Variants in ATP2B3 observed in about 807,000 individuals in gnomAD.
ATP2B3 encodes the protein plasma membrane calcium-transporting ATPase 3.
In ATP2B3, 12 loss-of-function variants were observed where a neutral mutation model predicts 70.8. The observed-to-expected ratio is 0.17, with a 90% CI of 0.11 to 0.27. The LOEUF (loss-of-function observed/expected upper bound fraction) is 0.27. Ranked by LOEUF, ATP2B3 falls within the 10% of genes least tolerant of loss-of-function variation. The pLI is 1.00. For missense variants in ATP2B3, 858 were observed against 1,118.5 expected, an observed-to-expected ratio of 0.77 and a Z score of 3.32; for synonymous variants, 460 against 497.8, an observed-to-expected ratio of 0.92 and a Z score of 1.01.
chrX:153,535,089 C>T (rs1179937113), intron 2 of ATP2B3, among the ~76,000 whole-genome samples: 1 of 112,833 alleles, frequency 8.9e-6, no homozygotes, highest in East Asian at 2.8e-4. Context: ...AGGCTTAGCT[C>T]GGGCCGGGAA....
rs891150954 is a variant in ATP2B3 at position 153,549,665 on chromosome X, G to A, written c.1507G>A (p.Ala503Thr). The change falls in exon 11 of 22, where the codon GCC becomes ACC. Residue 503 changes from alanine to threonine, a missense_variant. Transcript: ENST00000263519. Reference protein sequence around the residue: ...THYKEIPAPSALTPKILDLLV... With the variant: ...THYKEIPAPSTLTPKILDLLV... ...CTACAAAGAGATTCCGGCCCCCAGC[G>A]CCCTGACCCCTAAGATCCTCGACCT... is the stretch of plus-strand genomic sequence containing the variant. The A allele has an allele frequency of 2.6e-5, 31 of 1,210,707 alleles. No homozygotes were observed. Among genetic ancestry groups the A allele is most frequent in the Non-Finnish European group, 3.1e-5 (28 of 895,372 alleles).
At chrX:153,527,874 G>A (rs934632063) in intron 2 of ATP2B3, among the ~76,000 whole-genome samples, 1 of 112,828 alleles carries the variant, frequency 8.9e-6, no homozygotes, top group Non-Finnish European at 1.9e-5. Flanking sequence ...CTGACTCAGC[G>A]AAGAGCATTG....
chrX:153,539,051 C>T (rs1450209796), intron 3 of ATP2B3, among the ~76,000 whole-genome samples: 1 of 112,718 alleles, frequency 8.9e-6, no homozygotes, highest in African/African-American at 3.2e-5. Context: ...GGGGAGCCCT[C>T]CCCTGCTCCT....
intron 2 of ATP2B3, among the ~76,000 whole-genome samples, chrX:153,530,867 T>C (rs1180781670): frequency 1.8e-5 from 2 of 112,529 alleles, no homozygotes; most frequent in East Asian, 5.6e-4. Flanking sequence ...TCGGGTTTTA[T>C]TTCCTTCTCT....
chrX:153,549,583 G>A lies in ATP2B3; in HGVS notation c.1425G>A (p.Thr475=), dbSNP rs373112886. ...GNATAICSDK[T]GTLTTNRMTV... is the part of the protein sequence containing the mutation. ...CCACAGCCATCTGCTCCGACAAGACGGGCACGCTCACCACCAACCGTATGA... is the reference window on the plus strand; with the variant it reads ...CCACAGCCATCTGCTCCGACAAGACAGGCACGCTCACCACCAACCGTATGA... Residue 475 remains threonine (T), a synonymous_variant, in exon 11 of 22, where the codon ACG becomes ACA. Transcript: ENST00000263519. 9.9e-6 allele frequency: 12 copies of A among 1,210,832 alleles called. No homozygotes were observed. In the African/African-American group the frequency reaches 1.0e-4, roughly 11 times the overall value.
intron 2 of ATP2B3, among the ~76,000 whole-genome samples, chrX:153,528,704 G>C (rs1557000727): frequency 8.9e-6 from 1 of 112,318 alleles, no homozygotes; most frequent in African/African-American, 3.2e-5. Context: ...TCAGGAATCT[G>C]AGCTCCTTTG....
chrX:153,569,346 G>A, intron 21 of ATP2B3: 1 of 547,450 alleles, frequency 1.8e-6, no homozygotes, highest in East Asian at 3.3e-5. Flanking sequence ...GCCCTGACTT[G>A]TGACCCCCTT....
chrX:153,543,101 C>T lies in ATP2B3; in HGVS notation c.849C>T (p.Ser283=). ...RMVVTAVGVN[S]QTGIIFTLLG... is the part of the protein sequence containing the mutation. ...TGGTGACCGCCGTTGGCGTGAATTC[C>T]CAGACAGGCATCATCTTCACGCTGC... The change falls in exon 7 of 22, where the codon TCC becomes TCT. Residue 283 remains serine (S), a synonymous_variant. Coordinates refer to ENST00000263519, the MANE Select transcript of ATP2B3 (RefSeq NM_001001344.3). 1.6e-6 allele frequency: 2 copies of T among 1,212,127 alleles called. No homozygotes were observed.
At chrX:153,557,095 T>G (rs1196714949) in intron 16 of ATP2B3, 72 bp downstream of exon 16, 2 of 1,022,910 alleles carry the variant, frequency 2.0e-6, no homozygotes, top group African/African-American at 3.8e-5. Context: ...ACATTAGCTT[T>G]GTACCAGGAA....
At chrX:153,569,864 CT>C in intron 21 of ATP2B3, 5 of 901,267 alleles carry the variant, frequency 5.5e-6, no homozygotes, top group Middle Eastern at 3.8e-4. Context: ...CTCACCGTGG[CT>C]TTTCTGTTCT....
chrX:153,548,113 A>C, intron 9 of ATP2B3, 114 bp downstream of exon 9: 19 of 1,013,699 alleles, frequency 1.9e-5, no homozygotes, highest in Admixed American at 3.3e-5. Context: ...GTGGCAGGTG[A>C]TGTGTGGGCC....
intron 5 of ATP2B3, among the ~76,000 whole-genome samples, 174 bp from the exon 6 acceptor site, chrX:153,542,149 C>T (rs1213582908): frequency 2.6e-5 from 2 of 77,933 alleles, no homozygotes; most frequent in African/African-American, 7.7e-5. Flanking sequence ...ACTGTCCCCA[C>T]AGCCTCCACG....
At chrX:153,520,525 T>C (rs1556997550) in intron 2 of ATP2B3, among the ~76,000 whole-genome samples, 1 of 113,108 alleles carries the variant, frequency 8.8e-6, no homozygotes, top group Admixed American at 9.3e-5. Context: ...TCAACAATGA[T>C]AATAGTTATA....
chrX:153,543,349 A>G, intron 7 of ATP2B3, among the ~76,000 whole-genome samples, 181 bp downstream of exon 7: 1 of 112,079 alleles, frequency 8.9e-6, no homozygotes, highest in Non-Finnish European at 1.9e-5. Flanking sequence ...CCCCCCTGAG[A>G]GCCGGCAGGC....
chrX:153,546,858 C>T (rs1236686244), intron 8 of ATP2B3, among the ~76,000 whole-genome samples: 4 of 112,668 alleles, frequency 3.6e-5, no homozygotes, highest in East Asian at 2.8e-4. Context: ...GGGGACAGCC[C>T]GATGGCTGCA....
At chrX:153,547,164 G>A (rs192927665) in intron 8 of ATP2B3, among the ~76,000 whole-genome samples, 1 of 111,359 alleles carries the variant, frequency 9.0e-6, no homozygotes, top group Non-Finnish European at 1.9e-5. Context: ...CCGTGGAGTG[G>A]GTGCGGCCAG....
intron 20 of ATP2B3, among the ~76,000 whole-genome samples, chrX:153,563,136 CTTTTT>C (rs36131654): frequency 6.1e-5 from 3 of 48,795 alleles, no homozygotes; most frequent in African/African-American, 1.7e-4. Context: ...CTGGCTTTTC[CTTTTT>C]TTTTTTTTTT....
At chrX:153,545,055 G>A (rs782513559) in intron 7 of ATP2B3, among the ~76,000 whole-genome samples, 77 of 110,821 alleles carry the variant, frequency 6.9e-4, no homozygotes, top group Non-Finnish European at 1.4e-3. Context: ...TGGGCGGAGA[G>A]GGCCTGATCA....
At chrX:153,548,043 G>A (rs371831657) in intron 9 of ATP2B3, 44 bp downstream of exon 9, 149 of 1,161,348 alleles carry the variant, frequency 1.3e-4, no homozygotes, top group Middle Eastern at 7.3e-4. Context: ...TTGACTGGGC[G>A]TGGAGGATGC....
Sources: allele counts gnomAD v4.1 joint callset (sites outside exome capture counted in the v4.1 genomes callset), GRCh38; gene constraint gnomAD v4.1.1; transcripts MANE v1.5; gene names NCBI Gene and HGNC (gene_info 2026-07-23, HGNC 2026-07-21).